CLN5: variants seen among roughly 807,000 people sequenced by gnomAD.
CLN5 encodes the protein CLN5 lysosomal BMP synthase.
Under a neutral mutation model 36.7 loss-of-function variants are expected in CLN5, and 34 were observed. That is an observed-to-expected ratio of 0.93 (90% CI 0.71 to 1.23). The LOEUF (loss-of-function observed/expected upper bound fraction) is 1.23. Among genes scored for constraint, CLN5 ranks in the 50% most tolerant of loss-of-function variants. CLN5 has a pLI of 0.00. For synonymous variants in CLN5, 151 were observed against 155.1 expected (o/e 0.97, Z 0.20); for missense variants, 427 against 439.4 (o/e 0.97, Z 0.25).
In CLN5 at chr13:77,004,607, CTG is replaced by C. The variant is rs755232044; in HGVS notation, c.*3639_*3640del. 18 of 152,102 alleles carry C rather than the reference CTG, an allele frequency of 1.2e-4. No individual in the cohort carries two copies. Among genetic ancestry groups the C allele is most frequent in the Non-Finnish European group, 2.5e-4 (17 of 68,024 alleles). 9.4% of individuals were successfully genotyped at this position (152,102 alleles called of 1,614,324 possible). ...GTAAAATTAAAACCAGCCCCACAAA[CTG>C]GGGTTGGAGTCTGTGCAAAGCTCAT... On this transcript the variant is annotated 3_prime_UTR_variant, in exon 4 of 4. Transcript: ENST00000377453.
At chr13:76,996,887 A>G (rs570918544) in intron 3 of CLN5, 1 of 152,210 alleles carries the variant, frequency 6.6e-6, no homozygotes, top group Non-Finnish European at 1.5e-5. Context: ...ACTGTTTTCC[A>G]TAGTGGTTGT....
chr13:77,004,264 T>A lies in CLN5; in HGVS notation c.*3295T>A, dbSNP rs1311901180. ...ATAGTTCCTGTAAGATGTTTTATTT[T>A]TTAAATAGTTGGCAGGCTATACAAA... is the stretch of plus-strand genomic sequence containing the variant. On this transcript the variant is annotated 3_prime_UTR_variant, in exon 4 of 4. Coordinates refer to ENST00000377453, the MANE Select transcript of CLN5 (RefSeq NM_006493.4). 6.6e-6 allele frequency: 1 copy of A among 152,210 alleles called. No homozygotes were observed. Among genetic ancestry groups the A allele is most frequent in the East Asian group, 1.9e-4 (1 of 5,202 alleles). 9.4% of individuals were successfully genotyped at this position (152,210 alleles called of 1,614,324 possible).
In CLN5 at chr13:77,000,543, C is replaced by A. The variant is rs1284518638; in HGVS notation, c.651C>A (p.Ser217Arg). The A allele has an allele frequency of 6.2e-7, 1 of 1,613,998 alleles. No individual in the cohort carries two copies. Among genetic ancestry groups the A allele is most frequent in the Non-Finnish European group, 8.5e-7 (1 of 1,179,990 alleles). Residue 217 changes from serine to arginine, a missense_variant, in exon 4 of 4, where the codon AGC (serine) becomes AGA (arginine). Coordinates refer to ENST00000377453, the MANE Select transcript of CLN5 (RefSeq NM_006493.4). ...ATGAGACATGGAATGTAAAAGCCAG[C>A]CCAGAAAAGGGGGCAGAGACATGGT... ...IYYETWNVKASPEKGAETWFD... is the reference protein window; with the variant it reads ...IYYETWNVKARPEKGAETWFD...
chr13:76,996,129 T>TAA lies in CLN5; in HGVS notation c.565+3_565+4dup, dbSNP rs745312608. ...TAGTTCAAGTAGCAACTATATCAGG[T>TAA]AAGTTGTGAAAATATAGCAATATTT... On this transcript the variant is annotated splice_region_variant and intron_variant, in intron 3 of 3. Coordinates refer to ENST00000377453, the MANE Select transcript of CLN5 (RefSeq NM_006493.4). The TAA allele has an allele frequency of 3.4e-5, 55 of 1,609,296 alleles. No individual in the cohort carries two copies. The African/African-American group carries it at 7.1e-4, about 21-fold the overall frequency.
intron 2 of CLN5, chr13:76,995,645 A>G: frequency 1.8e-6 from 1 of 555,692 alleles, no homozygotes; most frequent in Non-Finnish European, 3.2e-6. Context: ...CTCTAAGGAA[A>G]TTATCAGCTT....
At chr13:76,993,331 T>G (rs1482235875) in intron 1 of CLN5, 1 of 152,254 alleles carries the variant, frequency 6.6e-6, no homozygotes, top group African/African-American at 2.4e-5. Flanking sequence ...CAAACCTAGA[T>G]AGTGTATTCT....
In CLN5 at chr13:77,000,329, G is replaced by A. The variant is rs377507341; in HGVS notation, c.566-129G>A. 2.2e-4 allele frequency: 180 copies of A among 812,824 alleles called. 2 individuals are homozygous for A. In the South Asian group the frequency reaches 3.4e-3, roughly 15 times the overall value. The allele number at this position is 812,824 out of a possible 1,614,324, so 50.4% of individuals were successfully genotyped here. On this transcript the variant is annotated intron_variant, in intron 3 of 3. Transcript: ENST00000377453. Reference sequence around the variant, plus strand: ...AAGCCCAGGAGGTCAAGGCTGCAGTGAGCTGTGATGTTACCACCGCACTCT... The same window carrying A: ...AAGCCCAGGAGGTCAAGGCTGCAGTAAGCTGTGATGTTACCACCGCACTCT...
intron 3 of CLN5, 56 bp from the exon 4 acceptor site, chr13:77,000,402 A>T (rs77376472): frequency 6.6e-7 from 1 of 1,509,288 alleles, no homozygotes; most frequent in South Asian, 1.3e-5. Flanking sequence ...AAAAAAAAAA[A>T]ATTAACATGA....
Position 76,995,238 on chromosome 13 carries a change from C to CA in CLN5, c.339+11dup. On this transcript the variant is annotated intron_variant, in intron 2 of 3. Coordinates refer to ENST00000377453, the MANE Select transcript of CLN5 (RefSeq NM_006493.4). ...CCTCCTGGGACACTTGGTAAGGATG[C>CA]ATCTTGGTCTTATAACTTTGGTTAA... 6.2e-7 allele frequency: 1 copy of CA among 1,612,834 alleles called. No homozygotes were observed. The highest frequency in any genetic ancestry group is 8.5e-7 in the Non-Finnish European group (1 of 1,178,944).
In CLN5 at chr13:77,004,366, A is replaced by G. The variant is rs76682283; in HGVS notation, c.*3397A>G. On this transcript the variant is annotated 3_prime_UTR_variant, in exon 4 of 4. Coordinates refer to ENST00000377453, the MANE Select transcript of CLN5 (RefSeq NM_006493.4). ...ACAGGCTGGCCAAAGTGTTTCCAGC[A>G]TCTTCGTCATATTTACCCTTTATTA... 2.6e-4 allele frequency: 39 copies of G among 152,352 alleles called. No homozygotes were observed. Among genetic ancestry groups the G allele is most frequent in the African/African-American group, 9.1e-4 (38 of 41,574 alleles). The allele number at this position is 152,352 out of a possible 1,614,324, so 9.4% of individuals were successfully genotyped here.
chr13:76,996,218 GT>G, intron 3 of CLN5, 91 bp downstream of exon 3: 1 of 1,112,800 alleles, frequency 9.0e-7, no homozygotes, highest in Admixed American at 1.7e-5. Context: ...TTTCAGTAAT[GT>G]TTTACTTAGA....
intron 1 of CLN5, chr13:76,993,290 G>A (rs1304066683): frequency 6.6e-6 from 1 of 152,114 alleles, no homozygotes; most frequent in East Asian, 1.9e-4. Context: ...TTTGCTGGAA[G>A]GATTAAATCT....
In CLN5 at chr13:77,002,216, T is replaced by C. The variant is rs951162853; in HGVS notation, c.*1247T>C. ...TGAGCTCTCACAGAAAGCTTAATCA[T>C]AGATATAATTAACCTGATCCAAATG... On this transcript the variant is annotated 3_prime_UTR_variant, in exon 4 of 4. Transcript: ENST00000377453. 3 of 152,188 alleles carry C rather than the reference T, an allele frequency of 2.0e-5. No individual in the cohort carries two copies. The highest frequency in any genetic ancestry group is 7.2e-5 in the African/African-American group (3 of 41,468). The allele number at this position is 152,188 out of a possible 1,614,324, so 9.4% of individuals were successfully genotyped here.
In CLN5 at chr13:77,004,495, A is replaced by ATAAG. The variant is rs1278111070; in HGVS notation, c.*3527_*3530dup. On this transcript the variant is annotated 3_prime_UTR_variant, in exon 4 of 4. Coordinates refer to ENST00000377453, the MANE Select transcript of CLN5 (RefSeq NM_006493.4). Reference sequence around the variant, plus strand: ...TTTTATTGGACTGATTATTCTAAGGATAAGCTCTTACTTCACTTTCGGAGT... The same window carrying ATAAG: ...TTTTATTGGACTGATTATTCTAAGGATAAGTAAGCTCTTACTTCACTTTCGGAGT... 1.3e-5 allele frequency: 2 copies of ATAAG among 152,212 alleles called. No individual in the cohort carries two copies. Among genetic ancestry groups the ATAAG allele is most frequent in the African/African-American group, 4.8e-5 (2 of 41,446 alleles). The allele number at this position is 152,212 out of a possible 1,614,324, so 9.4% of individuals were successfully genotyped here. A position where few individuals can be genotyped will look rare whatever the true frequency, so the allele number is the denominator to read the frequency against.
At position 76,995,982 on chromosome 13, in the gene CLN5, A is replaced by T; in HGVS notation, c.420A>T (p.Gln140His). 6.2e-7 allele frequency: 1 copy of T among 1,614,214 alleles called. No homozygotes were observed. The highest frequency in any genetic ancestry group is 1.1e-5 in the South Asian group (1 of 91,090). Residue 140 changes from glutamine (Q) to histidine (H), a missense_variant, in exon 3 of 4, where the codon CAA becomes CAT. Physicochemically the swap from Gln to His is conservative, Grantham distance 24 (BLOSUM62 0). Coordinates refer to ENST00000377453, the MANE Select transcript of CLN5 (RefSeq NM_006493.4). ...NYTMEWYELF[Q>H]LGNCTFPHLR... ...CAATGGAATGGTATGAACTTTTCCA[A>T]CTTGGCAACTGTACATTTCCCCATC...
Position 77,003,537 on chromosome 13 carries a change from C to G in CLN5, c.*2568C>G, listed in dbSNP as rs956796755. On this transcript the variant is annotated 3_prime_UTR_variant, in exon 4 of 4. Transcript: ENST00000377453. ...AGTAGTTGAGAAACCAAAACATAGC[C>G]ACGCAGAAATCTGCCAATTAAGTTT... 3.3e-5 allele frequency: 5 copies of G among 152,212 alleles called. No homozygotes were observed. Among genetic ancestry groups the G allele is most frequent in the African/African-American group, 1.2e-4 (5 of 41,450 alleles). The allele number at this position is 152,212 out of a possible 1,614,324, so 9.4% of individuals were successfully genotyped here. A position where few individuals can be genotyped will look rare whatever the true frequency, so the allele number is the denominator to read the frequency against.
Position 77,001,673 on chromosome 13 carries a change from T to C in CLN5, c.*704T>C, listed in dbSNP as rs1327762004. ...GTTGTGTATGTTTGGCAGGTCACAT[T>C]GAATGGCAGTGATAATGATTAATCA... On this transcript the variant is annotated 3_prime_UTR_variant, in exon 4 of 4. Transcript: ENST00000377453. 6.6e-6 allele frequency: 1 copy of C among 152,252 alleles called. No individual in the cohort carries two copies. The highest frequency in any genetic ancestry group is 1.5e-5 in the Non-Finnish European group (1 of 68,052). 9.4% of individuals were successfully genotyped at this position (152,252 alleles called of 1,614,324 possible). A position where few individuals can be genotyped will look rare whatever the true frequency, so the allele number is the denominator to read the frequency against.
At position 76,995,216 on chromosome 13, in the gene CLN5, C is replaced by G. The variant is rs2034245130; in HGVS notation, c.327C>G (p.Leu109=). The change falls in exon 2 of 4, where the codon CTC becomes CTG. Residue 109 remains leucine (L), a synonymous_variant. Coordinates refer to ENST00000377453, the MANE Select transcript of CLN5 (RefSeq NM_006493.4). ...APVWEFKYGD[L]LGHLKIMHDA... ...TATGGGAATTTAAATATGGAGACCTCCTGGGACACTTGGTAAGGATGCATC... is the reference window on the plus strand; with the variant it reads ...TATGGGAATTTAAATATGGAGACCTGCTGGGACACTTGGTAAGGATGCATC... 1 of 1,613,914 alleles carries G rather than the reference C, an allele frequency of 6.2e-7. No homozygotes were observed. Among genetic ancestry groups the G allele is most frequent in the African/African-American group, 1.3e-5 (1 of 74,918 alleles).
chr13:77,002,869 T>C lies in CLN5; in HGVS notation c.*1900T>C, dbSNP rs551415056. 1 of 152,332 alleles carries C rather than the reference T, an allele frequency of 6.6e-6. No individual in the cohort carries two copies. Among genetic ancestry groups the C allele is most frequent in the Admixed American group, 6.5e-5 (1 of 15,308 alleles). The allele number at this position is 152,332 out of a possible 1,614,324, so 9.4% of individuals were successfully genotyped here. A position where few individuals can be genotyped will look rare whatever the true frequency, so the allele number is the denominator to read the frequency against. ...CTACAGGATTTTGGATTTCCAGAAC[T>C]GCCTTGAAGAGACAAAGATTCTTGT... On this transcript the variant is annotated 3_prime_UTR_variant, in exon 4 of 4. Coordinates refer to ENST00000377453, the MANE Select transcript of CLN5 (RefSeq NM_006493.4).
Sources: allele counts gnomAD v4.1 joint callset, GRCh38; gene constraint gnomAD v4.1.1; transcripts MANE v1.5; gene names NCBI Gene and HGNC (gene_info 2026-07-23, HGNC 2026-07-21).